RUNX3: variants seen among roughly 807,000 people sequenced by gnomAD.
RUNX3 encodes the protein runt-related transcription factor 3.
RUNX3 carries 10 observed loss-of-function variants against 27.7 expected under a neutral mutation model. That is an observed-to-expected ratio of 0.36 (90% confidence interval 0.22 to 0.61). RUNX3 has a LOEUF of 0.61. Among genes scored for constraint, RUNX3 ranks in the 20% least tolerant of loss-of-function variants. RUNX3 has a pLI of 0.72. For synonymous variants in RUNX3, 270 were observed against 269.2 expected, an observed-to-expected ratio of 1.00 and a Z score of -0.03; for missense variants, 469 against 629.5, an observed-to-expected ratio of 0.75 and a Z score of 2.73.
Position 24,926,079 on chromosome 1 carries a change from C to T in RUNX3, c.439+1495G>A, listed in dbSNP as rs142516778. On this transcript the variant is annotated intron_variant, in intron 2 of 4. Transcript: ENST00000308873. ...AGTTCCTGATGCCTTGCTGGGCTCC[C>T]AGATCGACAGCACCTTCTGCCCGCC... Among the ~76,000 whole-genome samples, 5 of 152,278 alleles carry T rather than the reference C, an allele frequency of 3.3e-5. No homozygotes were observed. The East Asian group carries it at 9.6e-4, about 29-fold the overall frequency.
chr1:24,912,421 C>T (rs1267803588), intron 3 of RUNX3, among the ~76,000 whole-genome samples: 1 of 152,160 alleles, frequency 6.6e-6, no homozygotes, highest in Non-Finnish European at 1.5e-5. Flanking sequence ...AGAGCCTCAG[C>T]TCAGGACAGC....
intron 2 of RUNX3, among the ~76,000 whole-genome samples, chr1:24,937,131 C>G (rs1035286176): frequency 1.3e-5 from 2 of 152,134 alleles, no homozygotes; most frequent in Admixed American, 1.3e-4. Flanking sequence ...GGAGTGACCC[C>G]CAGTGTGGTG....
intron 1 of RUNX3, chr1:24,928,691 C>T: frequency 5.0e-6 from 1 of 199,202 alleles, no homozygotes; most frequent in South Asian, 6.7e-5. Flanking sequence ...GGCCTCCCGC[C>T]CCTCCCGGCG....
chr1:24,945,328 C>G (rs1641579789), intron 2 of RUNX3, among the ~76,000 whole-genome samples: 1 of 152,168 alleles, frequency 6.6e-6, no homozygotes, highest in South Asian at 2.1e-4. Context: ...GTATTAGGAT[C>G]TCAATAAATG....
At chr1:24,946,840 A>G (rs1304566385) in intron 2 of RUNX3, among the ~76,000 whole-genome samples, 2 of 152,168 alleles carry the variant, frequency 1.3e-5, no homozygotes, top group Non-Finnish European at 2.9e-5. Flanking sequence ...CGGGGGCAGT[A>G]TTCCACCTCC....
chr1:24,924,508 C>T (rs1183029935), intron 2 of RUNX3, among the ~76,000 whole-genome samples: 1 of 149,760 alleles, frequency 6.7e-6, no homozygotes, highest in African/African-American at 2.5e-5. Flanking sequence ...TTGTTCAGCG[C>T]TTTGCCAACA....
upstream of RUNX3, among the ~76,000 whole-genome samples, chr1:24,933,055 C>T (rs1465606872): frequency 1.3e-5 from 2 of 152,200 alleles, no homozygotes. Flanking sequence ...TCTCTAAGTG[C>T]GTTCTTGGCA....
chr1:24,922,825 C>T (rs1038338346), intron 2 of RUNX3, among the ~76,000 whole-genome samples: 1 of 148,910 alleles, frequency 6.7e-6, no homozygotes, highest in African/African-American at 2.5e-5. Flanking sequence ...GCAGCTCAAC[C>T]TGAAGTATCA....
At position 24,902,853 on chromosome 1, in the gene RUNX3, C is replaced by T. The variant is rs996211704; in HGVS notation, c.704-187G>A. Among the ~76,000 whole-genome samples, 2 of 152,162 alleles carry T rather than the reference C, an allele frequency of 1.3e-5. No homozygotes were observed. Among genetic ancestry groups the T allele is most frequent in the African/African-American group, 4.8e-5 (2 of 41,436 alleles). On this transcript the variant is annotated intron_variant, in intron 4 of 4. Coordinates refer to ENST00000308873, the MANE Select transcript of RUNX3 (RefSeq NM_004350.3). This position sits in a 1 kb window ranked among gnomAD's most constrained non-coding sequence, Gnocchi z 9.2. ...GCCAGGACTCCGAACACAGACCTGC[C>T]GGGAAGCTGGTTGGAGCGTGCCCCG...
intron 2 of RUNX3, chr1:24,964,403 T>G: frequency 1.2e-6 from 1 of 836,776 alleles, no homozygotes; most frequent in Non-Finnish European, 2.0e-6. Flanking sequence ...GGCCAGCGGA[T>G]TTAGGCGGAC....
chr1:24,928,858 C>A, intron 1 of RUNX3: 1 of 361,126 alleles, frequency 2.8e-6, no homozygotes, highest in Non-Finnish European at 5.4e-6. Context: ...GCCCTTCCTG[C>A]CCTGCCCTTT....
exon 2 of RUNX3, chr1:24,964,593 G>A: frequency 6.2e-7 from 1 of 1,602,782 alleles, no homozygotes; most frequent in Middle Eastern, 1.7e-4. Context: ...AAGAAGGCGA[G>A]AATTTTCAGC....
chr1:24,910,100 C>A (rs1640768001), intron 3 of RUNX3, among the ~76,000 whole-genome samples: 1 of 152,050 alleles, frequency 6.6e-6, no homozygotes, highest in Non-Finnish European at 1.5e-5. Context: ...ACCAGCCTGA[C>A]CAATATGGTG....
At chr1:24,961,943 AC>A (rs1642124530) in intron 2 of RUNX3, 1 of 152,116 alleles carries the variant, frequency 6.6e-6, no homozygotes, top group South Asian at 2.1e-4. Context: ...GATTCTGAGA[AC>A]CCGAGACCCG....
At chr1:24,903,920 T>C (rs2124241549) in intron 4 of RUNX3, among the ~76,000 whole-genome samples, 1 of 152,326 alleles carries the variant, frequency 6.6e-6, no homozygotes, top group Admixed American at 6.5e-5. Context: ...AGGATTCAGT[T>C]AATTCACATC....
chr1:24,928,513 G>A (rs772909793), intron 1 of RUNX3, among the ~76,000 whole-genome samples: 12 of 152,180 alleles, frequency 7.9e-5, no homozygotes, highest in Non-Finnish European at 1.2e-4. Flanking sequence ...TGGCCGCCGC[G>A]TGCAGGGACT....
At chr1:24,910,669 C>G (rs1041169033) in intron 3 of RUNX3, among the ~76,000 whole-genome samples, 8 of 152,216 alleles carry the variant, frequency 5.3e-5, no homozygotes, top group Admixed American at 5.2e-4. Context: ...AGCAGGGGGC[C>G]TGGGAGCCAC....
At chr1:24,917,389 G>A (rs921305442) in intron 3 of RUNX3, among the ~76,000 whole-genome samples, 1 of 152,214 alleles carries the variant, frequency 6.6e-6, no homozygotes, top group Non-Finnish European at 1.5e-5. Flanking sequence ...AATGGTGGTG[G>A]TGGGAGTGCA....
At chr1:24,949,380 A>G (rs563221142) in intron 2 of RUNX3, among the ~76,000 whole-genome samples, 1 of 152,254 alleles carries the variant, frequency 6.6e-6, no homozygotes, top group East Asian at 1.9e-4. Context: ...GCCCCCCGTG[A>G]GCAGACCACT....
Sources: gnomAD v4.1 joint callset for allele counts (sites outside exome capture counted in the v4.1 genomes callset) on GRCh38, gnomAD v4.1.1 for gene constraint, Gnocchi (gnomAD v3.1) non-coding constraint, MANE v1.5 for transcripts, NCBI Gene and HGNC (gene_info 2026-07-23, HGNC 2026-07-21) for gene names.